Variants in ZFHX3 observed in about 807,000 individuals in gnomAD.
The protein encoded by ZFHX3 is zinc finger homeobox 3.
In ZFHX3, 42 loss-of-function variants were observed where a neutral mutation model predicts 279.1. The observed-to-expected ratio is 0.15, with a 90% CI of 0.12 to 0.19. The LOEUF is 0.19. ZFHX3 is among the 10% of genes least tolerant of loss of function. The probability of loss-of-function intolerance (pLI) is 1.00; values close to 1 mark genes in which losing one functional copy is unlikely to be tolerated. For synonymous variants in ZFHX3, 2,293 were observed against 1,957.8 expected, an observed-to-expected ratio of 1.17 and a Z score of -4.52; for missense variants, 4,981 against 4,754.0, an observed-to-expected ratio of 1.05 and a Z score of -1.40.
intron 2 of ZFHX3, among the ~76,000 whole-genome samples, chr16:73,458,091 C>T (rs1331141314): frequency 6.6e-6 from 1 of 152,202 alleles, no homozygotes; most frequent in African/African-American, 2.4e-5. Flanking sequence ...GTTTTCATTT[C>T]TCTGTTTCCT....
intron 4 of ZFHX3, among the ~76,000 whole-genome samples, chr16:73,309,571 T>G (rs547081953): frequency 1.3e-5 from 2 of 152,210 alleles, no homozygotes; most frequent in South Asian, 4.2e-4. Flanking sequence ...AAGCGACAGA[T>G]GAGAGTGGGG....
chr16:73,722,799 G>C (rs1166601964), intron 1 of ZFHX3, among the ~76,000 whole-genome samples: 5 of 152,180 alleles, frequency 3.3e-5, no homozygotes, highest in Admixed American at 1.3e-4. Flanking sequence ...TCTCTGGAAA[G>C]GGTACAGTTT....
At chr16:73,361,661 C>A (rs1045469732) in intron 3 of ZFHX3, among the ~76,000 whole-genome samples, 3 of 152,306 alleles carry the variant, frequency 2.0e-5, no homozygotes, top group East Asian at 3.9e-4. Flanking sequence ...CTCCTTCCCC[C>A]CACTGTAAAA....
intron 1 of ZFHX3, among the ~76,000 whole-genome samples, chr16:73,869,870 A>G (rs924198793): frequency 2.0e-5 from 3 of 152,198 alleles, no homozygotes; most frequent in African/African-American, 7.2e-5. Context: ...GACAGAGATT[A>G]AGTCTCTTAT....
chr16:73,121,122 A>G (rs2144808440), intron 7 of ZFHX3, among the ~76,000 whole-genome samples: 1 of 152,310 alleles, frequency 6.6e-6, no homozygotes, highest in South Asian at 2.1e-4. Context: ...TTAAATTACA[A>G]ATTTTAAATC....
intron 5 of ZFHX3, among the ~76,000 whole-genome samples, chr16:73,155,803 A>T (rs13339220): frequency 0.047 from 7,037 of 151,252 alleles, 533 homozygotes; most frequent in African/African-American, 0.16. Context: ...AGCCTGGGCG[A>T]CAAGAGAGAA....
chr16:72,968,719 T>G (rs1443127415), intron 1 of ZFHX3, among the ~76,000 whole-genome samples: 4 of 152,146 alleles, frequency 2.6e-5, no homozygotes, highest in Non-Finnish European at 5.9e-5. Flanking sequence ...CACCTCAGCC[T>G]GTCAAAGTGC....
chr16:73,820,706 T>C (rs923481330), intron 1 of ZFHX3, among the ~76,000 whole-genome samples: 5 of 151,986 alleles, frequency 3.3e-5, no homozygotes, highest in Non-Finnish European at 7.4e-5. Context: ...TAATAGTTAT[T>C]TTAAGCCACC....
At chr16:73,881,441 A>T (rs2030147221) in intron 1 of ZFHX3, among the ~76,000 whole-genome samples, 1 of 117,162 alleles carries the variant, frequency 8.5e-6, no homozygotes, top group Non-Finnish European at 1.7e-5. Flanking sequence ...ACTCACACAC[A>T]CACACACACA....
At chr16:73,571,914 A>C (rs2051741169) in intron 2 of ZFHX3, among the ~76,000 whole-genome samples, 1 of 152,170 alleles carries the variant, frequency 6.6e-6, no homozygotes, top group Non-Finnish European at 1.5e-5. Flanking sequence ...TAAAATATAT[A>C]AGATCACCCA....
At position 73,598,373 on chromosome 16, in the gene ZFHX3, G is replaced by A. The variant is rs576251226; in HGVS notation, c.-1547+81807C>T. On this transcript the variant is annotated intron_variant, in intron 2 of 17. Coordinates refer to the ZFHX3 transcript ENST00000641206. ...ATATGTATTTTCTTTTGTAGGCCAA[G>A]AGTAGGCTGTAAATTTCACACTGTG... is the stretch of plus-strand genomic sequence containing the variant. Among the ~76,000 whole-genome samples, 3 of 151,952 alleles carry A rather than the reference G, an allele frequency of 2.0e-5. No individual in the cohort carries two copies. In the South Asian group the frequency reaches 6.3e-4, roughly 32 times the overall value.
chr16:73,355,669 G>A (rs933839663), intron 3 of ZFHX3, among the ~76,000 whole-genome samples: 2 of 152,188 alleles, frequency 1.3e-5, no homozygotes, highest in Non-Finnish European at 2.9e-5. Context: ...ACAGATCAAG[G>A]ACCTTGGAGT....
intron 2 of ZFHX3, among the ~76,000 whole-genome samples, chr16:73,578,327 T>A (rs562630810): frequency 1.1e-4 from 17 of 151,912 alleles, no homozygotes; most frequent in African/African-American, 3.9e-4. Flanking sequence ...ATTAGAGATG[T>A]CTTTAGAGAT....
intron 2 of ZFHX3, among the ~76,000 whole-genome samples, chr16:73,513,826 C>T (rs1424281918): frequency 6.6e-6 from 1 of 152,058 alleles, no homozygotes; most frequent in Non-Finnish European, 1.5e-5. Flanking sequence ...CTCATGCCCA[C>T]CACAGAGAAG....
intron 1 of ZFHX3, among the ~76,000 whole-genome samples, chr16:73,821,567 G>C (rs1420838901): frequency 6.6e-6 from 1 of 152,208 alleles, no homozygotes; most frequent in African/African-American, 2.4e-5. Flanking sequence ...TTGAGATAAT[G>C]TATCAAAGTG....
chr16:73,243,766 G>A (rs539277543), intron 5 of ZFHX3, among the ~76,000 whole-genome samples: 20 of 152,084 alleles, frequency 1.3e-4, no homozygotes, highest in African/African-American at 4.1e-4. Flanking sequence ...GTGTGTGTGT[G>A]TATAGTCTGT....
intron 3 of ZFHX3, among the ~76,000 whole-genome samples, chr16:73,440,587 T>G (rs906521402): frequency 1.3e-5 from 2 of 152,218 alleles, no homozygotes; most frequent in African/African-American, 4.8e-5. Context: ...AAGTTGGAAA[T>G]AGCTACTATT....
intron 2 of ZFHX3, among the ~76,000 whole-genome samples, chr16:73,507,927 TACC>T (rs2019357151): frequency 6.6e-6 from 1 of 152,204 alleles, no homozygotes; most frequent in African/African-American, 2.4e-5. Context: ...AATCGATTAG[TACC>T]TAGACATAAA....
intron 1 of ZFHX3, among the ~76,000 whole-genome samples, chr16:73,789,670 G>T (rs1453156647): frequency 6.6e-6 from 1 of 152,092 alleles, no homozygotes; most frequent in African/African-American, 2.4e-5. Context: ...CAGCAGAGGG[G>T]CAGATATGTA....
Sources: allele counts gnomAD v4.1 joint callset (sites outside exome capture counted in the v4.1 genomes callset), GRCh38; gene constraint gnomAD v4.1.1; transcripts MANE v1.5; gene names NCBI Gene and HGNC (gene_info 2026-07-23, HGNC 2026-07-21).